Variants in ZNF721 observed in about 807,000 individuals in gnomAD.
ZNF721 encodes zinc finger protein 721.
ZNF721 carries 2 observed loss-of-function variants against 2.4 expected under a neutral mutation model. The ratio of observed to expected loss-of-function variants is 0.82; its 90% CI spans 0.34 to 2.58. The LOEUF (loss-of-function observed/expected upper bound fraction) is 2.58. Ranked by LOEUF, ZNF721 falls within the 30% of genes most tolerant of loss-of-function variation. ZNF721 has a pLI of 0.11. For synonymous variants in ZNF721, 398 were observed against 381.8 expected, an observed-to-expected ratio of 1.04 and a Z score of -0.50; for missense variants, 1,187 against 1,085.5, an observed-to-expected ratio of 1.09 and a Z score of -1.31.
intron 2 of ZNF721, among the ~76,000 whole-genome samples, chr4:469,274 C>A (rs1006916528): frequency 6.7e-6 from 1 of 149,962 alleles, no homozygotes; most frequent in Non-Finnish European, 1.5e-5. Flanking sequence ...AAAGTAACAA[C>A]AAAATTTCCC....
chr4:465,938 C>A (rs1305257187), intron 2 of ZNF721, among the ~76,000 whole-genome samples: 1 of 151,434 alleles, frequency 6.6e-6, no homozygotes, highest in Non-Finnish European at 1.5e-5. Flanking sequence ...AAACAATGAA[C>A]AAAATGGTAG....
At chr4:446,381 CTTTT>C (rs1358256623) in intron 2 of ZNF721, among the ~76,000 whole-genome samples, 3 of 135,032 alleles carry the variant, frequency 2.2e-5, no homozygotes, top group African/African-American at 5.5e-5. Flanking sequence ...AGGAAGTTTT[CTTTT>C]TTTTTTTTTT....
intron 2 of ZNF721, among the ~76,000 whole-genome samples, chr4:458,219 T>C (rs1553865610): frequency 6.6e-6 from 1 of 152,206 alleles, no homozygotes; most frequent in African/African-American, 2.4e-5. Flanking sequence ...ATCAACATCT[T>C]GAAGAAAGTT....
At chr4:446,841 C>G (rs1714492049) in intron 2 of ZNF721, among the ~76,000 whole-genome samples, 1 of 151,820 alleles carries the variant, frequency 6.6e-6, no homozygotes, top group Admixed American at 6.6e-5. Flanking sequence ...TACAGGCGCA[C>G]CACCACGCCC....
In ZNF721 at chr4:473,315, T is replaced by A. The variant is rs116383831; in HGVS notation, c.-93-614A>T. ...GCTCCTCCACCTGGACCCATTATAG[T>A]ACTACTCGGCTAGAGAAAGCAGACA... is the stretch of plus-strand genomic sequence containing the variant. On this transcript the variant is annotated intron_variant, in intron 1 of 2. Coordinates refer to ENST00000511833, the MANE Select transcript of ZNF721 (RefSeq NM_133474.4). Among the ~76,000 whole-genome samples the A allele has an allele frequency of 4.0e-3, 612 of 152,248 alleles. 3 individuals carry two copies. The highest frequency in any genetic ancestry group is 0.014 in the African/African-American group (596 of 41,546).
At position 444,405 on chromosome 4, in the gene ZNF721, A is replaced by T; in HGVS notation, c.62T>A (p.Phe21Tyr). Residue 21 changes from phenylalanine (F) to tyrosine (Y), a missense_variant, in exon 3 of 3, where the codon TTT (phenylalanine) becomes TAT (tyrosine). By Grantham distance (22) the Phe-to-Tyr change is conservative. Transcript: ENST00000511833. ...ATCTTCTATCCCCTGCACTGGCAAA[A>T]AGTCTTGGGTGAAATGAGAACACAT... Reference protein sequence around the residue: ...LAMCSHFTQDFLPVQGIEDSF... With the variant: ...LAMCSHFTQDYLPVQGIEDSF... The T allele has an allele frequency of 6.3e-7, 1 of 1,592,094 alleles. No homozygotes were observed. Among genetic ancestry groups the T allele is most frequent in the African/African-American group, 1.4e-5 (1 of 73,790 alleles).
chr4:489,337 C>G (rs1421456374), intron 1 of ZNF721, among the ~76,000 whole-genome samples: 1 of 152,194 alleles, frequency 6.6e-6, no homozygotes, highest in African/African-American at 2.4e-5. Flanking sequence ...TTCTGGCAAC[C>G]CGCTTTCATG....
intron 1 of ZNF721, chr4:473,937 A>T (rs782130284): frequency 6.0e-6 from 9 of 1,501,880 alleles, no homozygotes; most frequent in South Asian, 1.1e-5. Context: ...GCCGGTTCTG[A>T]TGAGGCCTCC....
intron 1 of ZNF721, among the ~76,000 whole-genome samples, chr4:496,732 T>TTTTTTTTA (rs1716165389): frequency 6.9e-6 from 1 of 144,746 alleles, no homozygotes; most frequent in South Asian, 2.2e-4. Flanking sequence ...TTTTTTTTTT[T>TTTTTTTTA]GAGACGGAGT....
intron 2 of ZNF721, among the ~76,000 whole-genome samples, chr4:455,819 T>C (rs1553865352): frequency 2.6e-5 from 4 of 152,102 alleles, no homozygotes; most frequent in Non-Finnish European, 5.9e-5. Context: ...ATAATGTAAA[T>C]GTACTTAACC....
At chr4:497,928 G>A (rs1278051054) in intron 1 of ZNF721, among the ~76,000 whole-genome samples, 1 of 146,704 alleles carries the variant, frequency 6.8e-6, no homozygotes, top group East Asian at 2.1e-4. Flanking sequence ...AAAACAGGCC[G>A]GGCGCGGTGG....
Position 442,472 on chromosome 4 carries a change from T to C in ZNF721, c.1995A>G (p.Gly665=), listed in dbSNP as rs782710333. The C allele has an allele frequency of 2.5e-6, 4 of 1,612,786 alleles. No individual in the cohort carries two copies. In the African/African-American group the frequency reaches 5.3e-5, roughly 22 times the overall value. Residue 665 remains glycine, a synonymous_variant, in exon 3 of 3, where the codon GGA becomes GGG. Transcript: ENST00000511833. The part of the protein sequence containing the change: ...DLNQHTKILT[G]EQSYKCEECG... ...ACTCTTCACATTTGTAACTTTGCTCTCCAGTAAGAATTTTCGTGTGTTGAT... is the reference window on the plus strand; with the variant it reads ...ACTCTTCACATTTGTAACTTTGCTCCCCAGTAAGAATTTTCGTGTGTTGAT...
At chr4:490,133 C>T (rs1715985220) in intron 1 of ZNF721, among the ~76,000 whole-genome samples, 1 of 151,324 alleles carries the variant, frequency 6.6e-6, no homozygotes, top group Admixed American at 6.6e-5. Context: ...GCTGGGATTA[C>T]AAGAGTGAGA....
chr4:481,895 C>T (rs567899458), intron 1 of ZNF721, among the ~76,000 whole-genome samples: 1 of 152,098 alleles, frequency 6.6e-6, no homozygotes, highest in South Asian at 2.1e-4. Context: ...GCATACGCTG[C>T]CTAATAAAAT....
At chr4:448,908 CAGTT>C (rs1714563849) in intron 2 of ZNF721, among the ~76,000 whole-genome samples, 1 of 150,058 alleles carries the variant, frequency 6.7e-6, no homozygotes, top group Non-Finnish European at 1.5e-5. Flanking sequence ...AAATATTACT[CAGTT>C]TGTAAAAAGC....
intron 2 of ZNF721, among the ~76,000 whole-genome samples, chr4:469,378 C>A (rs545748285): frequency 9.9e-5 from 15 of 151,900 alleles, no homozygotes; most frequent in African/African-American, 3.1e-4. Context: ...ACATTAAATA[C>A]AATAAAGCAC....
intron 2 of ZNF721, among the ~76,000 whole-genome samples, chr4:457,936 G>A (rs1448490797): frequency 2.6e-5 from 4 of 152,184 alleles, no homozygotes; most frequent in African/African-American, 9.6e-5. Context: ...AAATCTGGAG[G>A]GAGAAATGCC....
intron 2 of ZNF721, among the ~76,000 whole-genome samples, chr4:469,813 A>G (rs1314864242): frequency 1.3e-5 from 2 of 152,356 alleles, no homozygotes; most frequent in Non-Finnish European, 2.9e-5. Flanking sequence ...TCATGAATAT[A>G]CAATTCAGAA....
chr4:443,962 C>A lies in ZNF721; in HGVS notation c.505G>T (p.Glu169Ter). 6.2e-7 allele frequency: 1 copy of A among 1,614,162 alleles called. No individual in the cohort carries two copies. The highest frequency in any genetic ancestry group is 8.5e-7 in the Non-Finnish European group (1 of 1,180,030). ...HTGEKPYKCE[E>*]CGKAFNRSTN... ...GACCTATTAAAGGCTTTGCCACATT[C>A]TTCACATTTGTAAGGTTTCTCTCCA... Residue 169 changes from glutamate (E) to a stop codon, truncating the protein, a stop_gained, in exon 3 of 3, where the codon GAA (glutamate) becomes TAA (stop). Transcript: ENST00000511833. LOFTEE classifies it low-confidence loss of function (END_TRUNC).
Sources: gnomAD v4.1 joint callset for allele counts (sites outside exome capture counted in the v4.1 genomes callset) on GRCh38, gnomAD v4.1.1 for gene constraint, MANE v1.5 for transcripts, NCBI Gene and HGNC (gene_info 2026-07-23, HGNC 2026-07-21) for gene names.